RAPGEF2: variants seen among roughly 807,000 people sequenced by gnomAD.
RAPGEF2 encodes Rap guanine nucleotide exchange factor 2.
RAPGEF2 carries 54 observed loss-of-function variants against 186.7 expected under a neutral mutation model. That is an observed-to-expected ratio of 0.29 (90% CI 0.23 to 0.36). The LOEUF (loss-of-function observed/expected upper bound fraction) is 0.36, where lower values mean the gene tolerates loss of function less well. RAPGEF2 is among the 10% of genes least tolerant of loss of function. RAPGEF2 has a pLI of 1.00. For synonymous variants in RAPGEF2, 712 were observed against 705.9 expected (o/e 1.01, Z -0.14); for missense variants, 1,532 against 2,045.0 (o/e 0.75, Z 4.84).
intron 8 of RAPGEF2, among the ~76,000 whole-genome samples, chr4:159,312,357 A>G (rs1764049627): frequency 6.6e-6 from 1 of 152,178 alleles, no homozygotes. Context: ...TGAGGTAAAA[A>G]TGTGATCATA....
At chr4:159,278,037 G>A (rs568736492) in intron 7 of RAPGEF2, among the ~76,000 whole-genome samples, 1 of 152,244 alleles carries the variant, frequency 6.6e-6, no homozygotes, top group South Asian at 2.1e-4. Context: ...TGTCCTGAAT[G>A]GTATTGCCTA....
intron 4 of RAPGEF2, among the ~76,000 whole-genome samples, chr4:159,229,165 T>G (rs540474512): frequency 2.0e-5 from 3 of 152,352 alleles, no homozygotes; most frequent in Non-Finnish European, 2.9e-5. Flanking sequence ...TATTATGTTT[T>G]TAATCATTTT....
chr4:159,286,316 C>T (rs185764353), intron 7 of RAPGEF2, among the ~76,000 whole-genome samples: 106 of 152,208 alleles, frequency 7.0e-4, no homozygotes, highest in African/African-American at 2.5e-3. Flanking sequence ...ATTATTACCA[C>T]CCTGGTCCAA....
At chr4:159,267,806 T>TTTC in intron 7 of RAPGEF2, 1 of 1,018,202 alleles carries the variant, frequency 9.8e-7, no homozygotes, top group Non-Finnish European at 1.2e-6. Context: ...TTTTTTTTTT[T>TTTC]TCCTCTCCTT....
intron 7 of RAPGEF2, chr4:159,268,102 C>G (rs368678252): frequency 4.4e-6 from 7 of 1,594,446 alleles, no homozygotes; most frequent in Non-Finnish European, 6.0e-6. Flanking sequence ...GACTTGCCAT[C>G]GTGAGAGATT....
chr4:159,333,902 C>T (rs930650564), intron 17 of RAPGEF2, among the ~76,000 whole-genome samples: 1 of 152,056 alleles, frequency 6.6e-6, no homozygotes, highest in Non-Finnish European at 1.5e-5. Flanking sequence ...AAAAAAATTC[C>T]GTTTCAGATC....
intron 12 of RAPGEF2, 53 bp from the exon 13 acceptor site, chr4:159,330,281 G>A: frequency 1.2e-6 from 1 of 857,780 alleles, no homozygotes; most frequent in Non-Finnish European, 1.8e-6. Context: ...GTGTGTGTGT[G>A]TGTGTGTGTG....
chr4:159,150,047 G>A (rs1264061957), intron 1 of RAPGEF2, among the ~76,000 whole-genome samples: 1 of 152,100 alleles, frequency 6.6e-6, no homozygotes, highest in Non-Finnish European at 1.5e-5. Context: ...AATCCCAGTA[G>A]AAGGTTCACC....
At chr4:159,247,166 G>A (rs1347098131) in intron 7 of RAPGEF2, among the ~76,000 whole-genome samples, 1 of 152,008 alleles carries the variant, frequency 6.6e-6, no homozygotes, top group Non-Finnish European at 1.5e-5. Context: ...TTTATTTCTT[G>A]TATCATAGAA....
intron 1 of RAPGEF2, among the ~76,000 whole-genome samples, 169 bp downstream of exon 1, chr4:159,104,400 T>G (rs1484544452): frequency 1.3e-5 from 2 of 150,666 alleles, no homozygotes; most frequent in Non-Finnish European, 3.0e-5. Flanking sequence ...TTACTCCGCC[T>G]ATCCTGGTTT....
chr4:159,255,287 T>A (rs778788551), intron 7 of RAPGEF2, among the ~76,000 whole-genome samples: 1 of 152,224 alleles, frequency 6.6e-6, no homozygotes, highest in Non-Finnish European at 1.5e-5. Context: ...AAAACTTCTT[T>A]CTTCTCAAAA....
At chr4:159,147,406 C>T (rs1200067253) in intron 1 of RAPGEF2, among the ~76,000 whole-genome samples, 3 of 149,584 alleles carry the variant, frequency 2.0e-5, no homozygotes, top group African/African-American at 7.4e-5. Flanking sequence ...TGGAAAAGTT[C>T]GTAGAAAAAA....
rs145903678 is a variant in RAPGEF2 at position 159,128,234 on chromosome 4, G to T, written c.69+24003G>T. Among the ~76,000 whole-genome samples, 800 of 152,106 alleles carry T rather than the reference G, an allele frequency of 5.3e-3. 8 individuals carry two copies. The highest frequency in any genetic ancestry group is 0.018 in the African/African-American group (761 of 41,472). ...TGTCAATCTAATAGTACATTTTGGG[G>T]CCTAATTCTACTGAGGAAGACTAGC... On this transcript the variant is annotated intron_variant, in intron 1 of 29. Coordinates refer to ENST00000691494, the MANE Select transcript of RAPGEF2 (RefSeq NM_001394067.2).
chr4:159,345,419 T>C, intron 24 of RAPGEF2, 90 bp downstream of exon 24: 1 of 1,178,830 alleles, frequency 8.5e-7, no homozygotes, highest in Middle Eastern at 2.0e-4. Flanking sequence ...AAATAAGGCT[T>C]AGTGCAGAGG....
At chr4:159,131,097 T>TGA (rs10596468) in intron 1 of RAPGEF2, among the ~76,000 whole-genome samples, 14 of 148,216 alleles carry the variant, frequency 9.4e-5, no homozygotes, top group African/African-American at 3.2e-4. Flanking sequence ...TGTGTGTGTG[T>TGA]GAGAGAGAGA....
At chr4:159,252,413 T>G (rs576830004) in intron 7 of RAPGEF2, among the ~76,000 whole-genome samples, 1 of 152,330 alleles carries the variant, frequency 6.6e-6, no homozygotes, top group South Asian at 2.1e-4. Context: ...TTGGAACACT[T>G]AAGAAAGTTT....
chr4:159,327,106 T>C (rs1561285924), intron 11 of RAPGEF2: 1 of 152,226 alleles, frequency 6.6e-6, no homozygotes, highest in Non-Finnish European at 1.5e-5. Context: ...TGTGGATAAA[T>C]TGAAAATTGA....
At chr4:159,342,013 G>A (rs751352833) in intron 20 of RAPGEF2, 66 bp downstream of exon 20, 1 of 1,416,384 alleles carries the variant, frequency 7.1e-7, no homozygotes, top group Non-Finnish European at 9.5e-7. Context: ...TATCAGTCCA[G>A]GAACATCATA....
intron 1 of RAPGEF2, among the ~76,000 whole-genome samples, chr4:159,104,901 G>T (rs2111041159): frequency 6.6e-6 from 1 of 152,342 alleles, no homozygotes; most frequent in East Asian, 1.9e-4. Flanking sequence ...CTAAGTTAGT[G>T]CTTTTAGTTT....
Sources: allele counts gnomAD v4.1 joint callset (sites outside exome capture counted in the v4.1 genomes callset), GRCh38; gene constraint gnomAD v4.1.1; transcripts MANE v1.5; gene names NCBI Gene and HGNC (gene_info 2026-07-23, HGNC 2026-07-21).